Variants in SRPK2 observed in about 807,000 individuals in gnomAD.
SRPK2 encodes the protein SFRS protein kinase 2.
Under a neutral mutation model 90.8 loss-of-function variants are expected in SRPK2, and 21 were observed. The ratio of observed to expected loss-of-function variants is 0.23; its 90% CI spans 0.16 to 0.33. SRPK2 has a LOEUF of 0.33. Ranked by LOEUF, SRPK2 falls within the 10% of genes least tolerant of loss-of-function variation. SRPK2 has a pLI of 1.00. For synonymous variants in SRPK2, 288 were observed against 311.1 expected, an observed-to-expected ratio of 0.93 and a Z score of 0.78; for missense variants, 620 against 869.0, an observed-to-expected ratio of 0.71 and a Z score of 3.60.
intron 3 of SRPK2, among the ~76,000 whole-genome samples, chr7:105,202,415 A>C (rs1394467429): frequency 6.6e-6 from 1 of 152,230 alleles, no homozygotes; most frequent in Non-Finnish European, 1.5e-5. Flanking sequence ...AATCTGTAGC[A>C]AATAAATTCA....
chr7:105,206,973 C>T (rs1161599105), intron 2 of SRPK2, among the ~76,000 whole-genome samples: 1 of 152,178 alleles, frequency 6.6e-6, no homozygotes, highest in East Asian at 1.9e-4. Flanking sequence ...CACCAATACT[C>T]AAATCACTCA....
intron 2 of SRPK2, among the ~76,000 whole-genome samples, chr7:105,355,480 A>G (rs1442069569): frequency 1.3e-5 from 2 of 152,098 alleles, no homozygotes; most frequent in Non-Finnish European, 2.9e-5. Flanking sequence ...CCACATCTCA[A>G]CTGAAAATAA....
chr7:105,220,043 T>C (rs1797907740), intron 2 of SRPK2, among the ~76,000 whole-genome samples: 2 of 152,208 alleles, frequency 1.3e-5, no homozygotes, highest in African/African-American at 4.8e-5. Context: ...AGGGAGAAGT[T>C]TAAGAACTCA....
intron 3 of SRPK2, among the ~76,000 whole-genome samples, chr7:105,176,583 GTA>G (rs36021270): frequency 0.45 from 60,619 of 134,416 alleles, 14,013 homozygotes; most frequent in South Asian, 0.55. Context: ...GTGTGTGTAT[GTA>G]TATATGTGTG....
rs534175766 is a variant in SRPK2, at chr7:105,290,522, C to T, written c.72-86737G>A. ...CAAAAAAACAAACAAAAACAAAAAC[C>T]ACAATATTAGCAAAGTGCAACAAAA... On this transcript the variant is annotated intron_variant, in intron 2 of 15. Coordinates refer to ENST00000393651, the MANE Select transcript of SRPK2 (RefSeq NM_182692.3). 8.6e-5 allele frequency among the ~76,000 whole-genome samples: 13 copies of T among 151,974 alleles called. 1 individual carries two copies. In the South Asian group the frequency reaches 2.7e-3, roughly 32 times the overall value.
intron 2 of SRPK2, chr7:105,206,060 A>G: frequency 1.9e-6 from 1 of 515,526 alleles, no homozygotes; most frequent in East Asian, 5.5e-5. Context: ...TGGATAATTC[A>G]TTGCTGTGGG....
chr7:105,386,305 C>T (rs1475036589), intron 2 of SRPK2, among the ~76,000 whole-genome samples: 1 of 98,736 alleles, frequency 1.0e-5, no homozygotes, highest in African/African-American at 3.8e-5. Flanking sequence ...CAGAGCAAGA[C>T]TCGGTCTCAA....
At chr7:105,288,715 A>G (rs940265939) in intron 2 of SRPK2, among the ~76,000 whole-genome samples, 10 of 152,186 alleles carry the variant, frequency 6.6e-5, no homozygotes, top group South Asian at 4.1e-4. Context: ...CTGCTGTTAG[A>G]AACAGAGAAT....
At chr7:105,278,740 G>A (rs1806862276) in intron 2 of SRPK2, among the ~76,000 whole-genome samples, 1 of 151,170 alleles carries the variant, frequency 6.6e-6, no homozygotes, top group Admixed American at 6.6e-5. Context: ...GAAAAGGAAA[G>A]GGGAAAAGGG....
chr7:105,184,413 T>C (rs1215074928), intron 3 of SRPK2, among the ~76,000 whole-genome samples: 1 of 152,184 alleles, frequency 6.6e-6, no homozygotes, highest in African/African-American at 2.4e-5. Flanking sequence ...ACCCTTAAAT[T>C]TCTATGGAAA....
At chr7:105,264,546 C>T (rs1804779313) in intron 2 of SRPK2, among the ~76,000 whole-genome samples, 1 of 152,140 alleles carries the variant, frequency 6.6e-6, no homozygotes, top group Non-Finnish European at 1.5e-5. Flanking sequence ...AAGACAGCTA[C>T]AGTTTGTGAA....
At chr7:105,203,345 T>C (rs1273153737) in intron 3 of SRPK2, among the ~76,000 whole-genome samples, 1 of 152,216 alleles carries the variant, frequency 6.6e-6, no homozygotes, top group Non-Finnish European at 1.5e-5. Context: ...GTATACTACC[T>C]TTAATTCTAA....
intron 2 of SRPK2, among the ~76,000 whole-genome samples, chr7:105,341,372 AAAAAAAAAAG>A (rs1433196572): frequency 1.2e-4 from 6 of 50,162 alleles, no homozygotes; most frequent in Non-Finnish European, 2.7e-4. Context: ...AAAAAAAAAA[AAAAAAAAAAG>A]GGGGAATGTG....
At chr7:105,240,573 C>T (rs1166964055) in intron 2 of SRPK2, among the ~76,000 whole-genome samples, 2 of 150,784 alleles carry the variant, frequency 1.3e-5, no homozygotes, top group African/African-American at 4.9e-5. Flanking sequence ...AATTAGGGGG[C>T]AGTGGAGGAG....
intron 2 of SRPK2, among the ~76,000 whole-genome samples, chr7:105,376,135 C>G (rs540943146): frequency 8.6e-5 from 13 of 151,674 alleles, no homozygotes; most frequent in African/African-American, 2.7e-4. Flanking sequence ...GCTGGGACTA[C>G]AGGCGCCCGC....
In SRPK2 at chr7:105,117,978, C is replaced by G; in HGVS notation, c.1960G>C (p.Asp654His). 1 of 1,614,170 alleles carries G rather than the reference C, an allele frequency of 6.2e-7. No individual in the cohort carries two copies. The highest frequency in any genetic ancestry group is 8.5e-7 in the Non-Finnish European group (1 of 1,180,028). Reference sequence around the variant, plus strand: ...CAGCCATACTTTTCCACAAGTACATCAAAGAGGCTCCAGGGCTTCAGCTTG... The same window carrying G: ...CAGCCATACTTTTCCACAAGTACATGAAAGAGGCTCCAGGGCTTCAGCTTG... ...ITKLKPWSLF[D>H]VLVEKYGWPH... is the part of the protein sequence containing the mutation. The change falls in exon 16 of 16, where the codon GAT becomes CAT. Residue 654 changes from aspartate to histidine, a missense_variant. Transcript: ENST00000393651.
chr7:105,370,616 CTTT>C (rs199888481), intron 2 of SRPK2, among the ~76,000 whole-genome samples: 7 of 129,956 alleles, frequency 5.4e-5, no homozygotes, highest in Admixed American at 8.3e-5. Flanking sequence ...TTTTTTCTTT[CTTT>C]TTTTTTTTTT....
intron 15 of SRPK2, among the ~76,000 whole-genome samples, chr7:105,119,173 G>A (rs1341172359): frequency 6.6e-6 from 1 of 151,812 alleles, no homozygotes; most frequent in African/African-American, 2.4e-5. Flanking sequence ...TGCAAGGACT[G>A]ACTTCTCTCC....
At chr7:105,183,912 A>G (rs2129600178) in intron 3 of SRPK2, among the ~76,000 whole-genome samples, 1 of 152,012 alleles carries the variant, frequency 6.6e-6, no homozygotes, top group East Asian at 1.9e-4. Flanking sequence ...TATTTTAAGT[A>G]TACTGATACC....
Sources: allele counts gnomAD v4.1 joint callset (sites outside exome capture counted in the v4.1 genomes callset), GRCh38; gene constraint gnomAD v4.1.1; transcripts MANE v1.5; gene names NCBI Gene and HGNC (gene_info 2026-07-23, HGNC 2026-07-21).